The following ACAP3 variants were observed in gnomAD, a reference collection of about 807,000 sequenced individuals.
ACAP3 encodes ArfGAP with coiled-coil, ankyrin repeat and PH domains 3.
ACAP3 carries 56 observed loss-of-function variants against 104.1 expected under a neutral mutation model. That is an observed-to-expected ratio of 0.54 (90% CI 0.43 to 0.67). The LOEUF (loss-of-function observed/expected upper bound fraction) is 0.67. Ranked by LOEUF, ACAP3 falls within the 30% of genes least tolerant of loss-of-function variation. ACAP3 has a pLI of 0.00. For synonymous variants in ACAP3, 628 were observed against 496.2 expected (o/e 1.27, Z -3.53); for missense variants, 1,208 against 1,174.9 (o/e 1.03, Z -0.41).
At chr1:1,298,479 C>A (rs1158700283) in intron 11 of ACAP3, 58 bp from the exon 12 acceptor site, 2 of 1,580,964 alleles carry the variant, frequency 1.3e-6, no homozygotes, top group Non-Finnish European at 1.7e-6. Context: ...GCTGCTGTGA[C>A]CCCTGCCCCC....
rs1220725491 is a variant in ACAP3 at position 1,294,075 on chromosome 1, G to A, written c.2249+15C>T. ...TGGTCGGGGCACAGGGCGGGGCGTG[G>A]GTTGCGCGTCTCACCCGGTGCGGCC... On this transcript the variant is annotated intron_variant, in intron 22 of 23. Transcript: ENST00000354700. 6.4e-7 allele frequency: 1 copy of A among 1,554,416 alleles called. No individual in the cohort carries two copies. Among genetic ancestry groups the A allele is most frequent in the Non-Finnish European group, 8.7e-7 (1 of 1,148,702 alleles).
chr1:1,307,821 C>T lies in ACAP3; in HGVS notation c.-6G>A, dbSNP rs1398143918. 1.1e-5 allele frequency: 12 copies of T among 1,052,656 alleles called. No homozygotes were observed. The highest frequency in any genetic ancestry group is 1.4e-5 in the Non-Finnish European group (12 of 874,474). The allele number at this position is 1,052,656 out of a possible 1,614,324, so 65.2% of individuals were successfully genotyped here. On this transcript the variant is annotated 5_prime_UTR_variant, in exon 1 of 24. Coordinates refer to ENST00000354700, the MANE Select transcript of ACAP3 (RefSeq NM_030649.3). ...TCCTCGAACTCCACGGTCATGGCTG[C>T]GGCGGCCGCGGCGCTCACTGGCACG... is the stretch of plus-strand genomic sequence containing the variant.
rs964084643 is a variant in ACAP3 at position 1,292,916 on chromosome 1, CAGG to C, written c.*645_*647del. On this transcript the variant is annotated 3_prime_UTR_variant, in exon 24 of 24. Transcript: ENST00000354700. Reference sequence around the variant, plus strand: ...TATGCGCAGGCTCTGGGCCGAGTACCAGGAGAAGGTGCCTCCGGAGGAGGCCGG... The same window carrying C: ...TATGCGCAGGCTCTGGGCCGAGTACCAGAAGGTGCCTCCGGAGGAGGCCGG... 1 of 152,286 alleles carries C rather than the reference CAGG, an allele frequency of 6.6e-6. No homozygotes were observed. Among genetic ancestry groups the C allele is most frequent in the Non-Finnish European group, 1.5e-5 (1 of 68,066 alleles). The allele number at this position is 152,286 out of a possible 1,614,324, so 9.4% of individuals were successfully genotyped here. A position where few individuals can be genotyped will look rare whatever the true frequency, so the allele number is the denominator to read the frequency against.
Position 1,300,646 on chromosome 1 carries a change from G to C in ACAP3, c.385C>G (p.Arg129Gly), listed in dbSNP as rs757753711. The C allele has an allele frequency of 3.1e-6, 5 of 1,609,466 alleles. No homozygotes were observed. The highest frequency in any genetic ancestry group is 4.2e-6 in the Non-Finnish European group (5 of 1,179,042). ...ACCAGGGACAGCTCCAGGTCCTCCC[G>C]CACCTTGTCAAACTGCTTCTTTGTC... is the stretch of plus-strand genomic sequence containing the variant. ...KETKKQFDKV[R>G]EDLELSLVRN... Residue 129 changes from arginine (R) to glycine (G), a missense_variant, in exon 6 of 24, where the codon CGG becomes GGG. By Grantham distance (125) the Arg-to-Gly change is moderately radical. Transcript: ENST00000354700.
chr1:1,295,196 C>T (rs538337481), intron 19 of ACAP3, among the ~76,000 whole-genome samples: 2 of 152,242 alleles, frequency 1.3e-5, no homozygotes, highest in South Asian at 2.1e-4. Context: ...CGGCTGGCAG[C>T]GCCCTCTGCT....
Position 1,297,858 on chromosome 1 carries a change from G to A in ACAP3, c.1092C>T (p.Ser364=), listed in dbSNP as rs763769581. The A allele has an allele frequency of 1.8e-5, 29 of 1,611,808 alleles. No homozygotes were observed. The highest frequency in any genetic ancestry group is 1.7e-4 in the Admixed American group (10 of 59,978). ...WVQAVQASIA[S]AYRESPDSCY... is the part of the protein sequence containing the mutation. The stretch of plus-strand genomic sequence containing the variant: ...AACTGTCAGGGCTCTCGCGGTAGGC[G>A]GAGGCGATGCTGGCCTGCACAGCCT... The change falls in exon 14 of 24, where the codon TCC becomes TCT. Residue 364 remains serine (S), a synonymous_variant. Transcript: ENST00000354700.
intron 22 of ACAP3, 78 bp downstream of exon 22, chr1:1,294,012 G>C: frequency 6.8e-7 from 1 of 1,476,562 alleles, no homozygotes. Context: ...GGCCGGATAG[G>C]GCATGGCGGA....
In ACAP3 at chr1:1,296,280, C is replaced by T. The variant is rs761082675; in HGVS notation, c.1338G>A (p.Arg446=). 4.5e-6 allele frequency: 7 copies of T among 1,556,360 alleles called. No individual in the cohort carries two copies. The Admixed American group carries it at 1.4e-4, about 30-fold the overall frequency. The part of the protein sequence containing the change: ...LLCIECSGIH[R]SLGVHCSKVR... ...CCTTGGAGCAGTGGACACCCAGGCT[C>T]CTGGAGAGCAGAGGTAGGGATGAGT... Residue 446 remains arginine, a splice_region_variant and synonymous_variant, in exon 16 of 24, where the codon AGG becomes AGA. Coordinates refer to ENST00000354700, the MANE Select transcript of ACAP3 (RefSeq NM_030649.3).
Position 1,294,506 on chromosome 1 carries a change from G to A in ACAP3, c.2035C>T (p.Arg679Cys), listed in dbSNP as rs775697872. 2.0e-6 allele frequency: 3 copies of A among 1,526,206 alleles called. No individual in the cohort carries two copies. The highest frequency in any genetic ancestry group is 2.6e-6 in the Non-Finnish European group (3 of 1,144,360). The allele number at this position is 1,526,206 out of a possible 1,614,324, so 94.5% of individuals were successfully genotyped here. A position where few individuals can be genotyped will look rare whatever the true frequency, so the allele number is the denominator to read the frequency against. ...GLLAHRAARA[R>C]DLPALAAALA... ...GCCGCCGCCAGCGCAGGAAGGTCGC[G>A]GGCACGCGCTGCGCGGTGCGCCAAG... Residue 679 changes from arginine to cysteine, a missense_variant, in exon 21 of 24, where the codon CGC becomes TGC. Arg to Cys is a radical substitution (Grantham distance 180). Coordinates refer to ENST00000354700, the MANE Select transcript of ACAP3 (RefSeq NM_030649.3).
Position 1,303,500 on chromosome 1 carries a change from G to A in ACAP3, c.106-219C>T, listed in dbSNP as rs1326070682. 4 of 680,580 alleles carry A rather than the reference G, an allele frequency of 5.9e-6. No individual in the cohort carries two copies. In the East Asian group the frequency reaches 8.5e-5, roughly 15 times the overall value. 42.2% of individuals were successfully genotyped at this position (680,580 alleles called of 1,614,324 possible). On this transcript the variant is annotated intron_variant, in intron 2 of 23. Transcript: ENST00000354700. This position sits in a 1 kb window ranked among gnomAD's most constrained non-coding sequence, Gnocchi z 4.0. ...AGGGTGGGGCCGCCACGGCTCGGCT[G>A]GGAGGGACCAGGAGCCAGGCAGGGG...
chr1:1,298,001 G>A lies in ACAP3; in HGVS notation c.1016+12C>T. On this transcript the variant is annotated intron_variant, in intron 13 of 23. Coordinates refer to ENST00000354700, the MANE Select transcript of ACAP3 (RefSeq NM_030649.3). ...TACGCCCCCCGCCCCACCCTGGGCT[G>A]GGCCTCCTCACTTGGTGGGTGACAG... The A allele has an allele frequency of 1.2e-6, 2 of 1,611,650 alleles. No individual in the cohort carries two copies. The highest frequency in any genetic ancestry group is 1.7e-6 in the Non-Finnish European group (2 of 1,179,464).
chr1:1,301,908 G>A, intron 5 of ACAP3, 80 bp downstream of exon 5: 4 of 1,370,882 alleles, frequency 2.9e-6, no homozygotes, highest in Non-Finnish European at 2.9e-6. Context: ...AGGTGCCTCT[G>A]CTCTGCCCCA....
Position 1,293,610 on chromosome 1 carries a change from C to T in ACAP3, c.2459G>A (p.Arg820His). 1 of 1,496,634 alleles carries T rather than the reference C, an allele frequency of 6.7e-7. No homozygotes were observed. Among genetic ancestry groups the T allele is most frequent in the Non-Finnish European group, 8.9e-7 (1 of 1,128,220 alleles). 92.7% of individuals were successfully genotyped at this position (1,496,634 alleles called of 1,614,324 possible). A position where few individuals can be genotyped will look rare whatever the true frequency, so the allele number is the denominator to read the frequency against. Reference sequence around the variant, plus strand: ...GCTGATGAACTCCTGGATACACCTGCGGAACTGGAGCTCCGTGGGGCTGCC... The same window carrying T: ...GCTGATGAACTCCTGGATACACCTGTGGAACTGGAGCTCCGTGGGGCTGCC... ...LAGSPTELQF[R>H]RCIQEFISLH... The change falls in exon 24 of 24, where the codon CGC (arginine) becomes CAC (histidine). Residue 820 changes from arginine (R) to histidine (H), a missense_variant. Transcript: ENST00000354700.
chr1:1,298,698 C>T lies in ACAP3; in HGVS notation c.751-19G>A, dbSNP rs369386511. ...AGAAGTCCTGGGGGGATGGAACCCG[C>T]CCCCTCAGTGCCCACCCCAGGGGCC... On this transcript the variant is annotated intron_variant, in intron 10 of 23. Coordinates refer to ENST00000354700, the MANE Select transcript of ACAP3 (RefSeq NM_030649.3). 6.3e-6 allele frequency: 10 copies of T among 1,586,962 alleles called. No homozygotes were observed. The highest frequency in any genetic ancestry group is 1.7e-4 in the Middle Eastern group (1 of 6,016).
rs1449998599 is a variant in ACAP3 at position 1,300,077 on chromosome 1, G to A, written c.568-9C>T. 3 of 1,611,906 alleles carry A rather than the reference G, an allele frequency of 1.9e-6. No homozygotes were observed. Among genetic ancestry groups the A allele is most frequent in the East Asian group, 2.2e-5 (1 of 44,872 alleles). ...TGCATGAAGGACAGCATCTGCGGGG[G>A]CAGCACAGGTGAGGCCCAAGCACAC... On this transcript the variant is annotated splice_polypyrimidine_tract_variant and intron_variant, in intron 7 of 23. Transcript: ENST00000354700.
In ACAP3 at chr1:1,295,485, G is replaced by A; in HGVS notation, c.1775C>T (p.Ser592Phe). 3 of 1,612,620 alleles carry A rather than the reference G, an allele frequency of 1.9e-6. No individual in the cohort carries two copies. Among genetic ancestry groups the A allele is most frequent in the Non-Finnish European group, 2.5e-6 (3 of 1,179,888 alleles). The change falls in exon 19 of 24, where the codon TCC becomes TTC. Residue 592 changes from serine (S) to phenylalanine (F), a missense_variant. Transcript: ENST00000354700. Reference sequence around the variant, plus strand: ...CCCTGCGGCCCCTGCGTCGAAGTAGGAGAAGAGCGAGTCCAGCTCGTCGGG... The same window carrying A: ...CCCTGCGGCCCCTGCGTCGAAGTAGAAGAAGAGCGAGTCCAGCTCGTCGGG... ...FCPDELDSLF[S>F]YFDAGAAGAG...
Position 1,303,060 on chromosome 1 carries a change from G to A in ACAP3, c.226-85C>T, listed in dbSNP as rs963249662. 26 of 1,553,568 alleles carry A rather than the reference G, an allele frequency of 1.7e-5. No homozygotes were observed. The highest frequency in any genetic ancestry group is 2.2e-5 in the Non-Finnish European group (25 of 1,147,878). ...CACGCCCTCTGAGCCCCTGGGCGGT[G>A]CAGACACCGGCCTGCTTCTGGCCTG... On this transcript the variant is annotated intron_variant, in intron 3 of 23. Coordinates refer to ENST00000354700, the MANE Select transcript of ACAP3 (RefSeq NM_030649.3). The surrounding 1 kb of genome is among the most constrained non-coding windows in gnomAD (Gnocchi z 4.0).
At position 1,292,805 on chromosome 1, in the gene ACAP3, GAC is replaced by G. The variant is rs2100368269; in HGVS notation, c.*757_*758del. 1 of 152,466 alleles carries G rather than the reference GAC, an allele frequency of 6.6e-6. No individual in the cohort carries two copies. Among genetic ancestry groups the G allele is most frequent in the East Asian group, 1.9e-4 (1 of 5,194 alleles). The allele number at this position is 152,466 out of a possible 1,614,324, so 9.4% of individuals were successfully genotyped here. ...AAGAGTCCACAGAGAAAAGACGCAAGACAAAGTCAGACGAGGCCTATAGCAAA... is the reference window on the plus strand; with the variant it reads ...AAGAGTCCACAGAGAAAAGACGCAAGAAAGTCAGACGAGGCCTATAGCAAA... On this transcript the variant is annotated 3_prime_UTR_variant, in exon 24 of 24. Transcript: ENST00000354700.
rs774302916 is a variant in ACAP3 at position 1,304,136 on chromosome 1, T to C, written c.55A>G (p.Ile19Val). 1.3e-5 allele frequency: 20 copies of C among 1,550,518 alleles called. No homozygotes were observed. Among genetic ancestry groups the C allele is most frequent in the Non-Finnish European group, 1.7e-5 (19 of 1,146,864 alleles). Residue 19 changes from isoleucine to valine, a missense_variant, in exon 2 of 24, where the codon ATT (isoleucine) becomes GTT (valine). By Grantham distance (29) the Ile-to-Val change is conservative (BLOSUM62 3). Coordinates refer to ENST00000354700, the MANE Select transcript of ACAP3 (RefSeq NM_030649.3). ...VKDSPRFRAT[I>V]DEVETDVVEI... is the part of the protein sequence containing the mutation. ...ACCACGTCCGTCTCCACCTCGTCAA[T>C]GGTCGCCCTAAAGCAAGAACGGGGC... is the stretch of plus-strand genomic sequence containing the variant.
Sources: gnomAD v4.1 joint callset for allele counts (sites outside exome capture counted in the v4.1 genomes callset) on GRCh38, gnomAD v4.1.1 for gene constraint, Gnocchi (gnomAD v3.1) non-coding constraint, MANE v1.5 for transcripts, NCBI Gene and HGNC (gene_info 2026-07-23, HGNC 2026-07-21) for gene names.